DAB1: variants seen among roughly 807,000 people sequenced by gnomAD.
The protein encoded by DAB1 is DAB adaptor protein 1.
DAB1 carries 15 observed loss-of-function variants against 64.6 expected under a neutral mutation model. The observed-to-expected ratio is 0.23, with a 90% CI of 0.16 to 0.36. DAB1 has a LOEUF of 0.36. DAB1 is among the 10% of genes least tolerant of loss of function. The pLI is 1.00. For missense variants in DAB1, 596 were observed against 706.7 expected (o/e 0.84, Z 1.78); for synonymous variants, 235 against 251.9 (o/e 0.93, Z 0.64).
chr1:58,081,264 T>C (rs1649977237), intron 5 of DAB1, among the ~76,000 whole-genome samples: 1 of 152,252 alleles, frequency 6.6e-6, no homozygotes, highest in Admixed American at 6.5e-5. Context: ...ATAATGCCCA[T>C]GTCAGTCAAG....
chr1:58,212,784 C>T (rs564622062), intron 4 of DAB1, among the ~76,000 whole-genome samples: 1 of 152,262 alleles, frequency 6.6e-6, no homozygotes, highest in Non-Finnish European at 1.5e-5. Flanking sequence ...AACCAGGGTA[C>T]ATTTTATTGG....
At chr1:57,282,917 C>T (rs1672027726) in intron 2 of DAB1, among the ~76,000 whole-genome samples, 1 of 152,190 alleles carries the variant, frequency 6.6e-6, no homozygotes, top group South Asian at 2.1e-4. Context: ...AGTTTCTATG[C>T]TCCCATCTCC....
At chr1:58,208,359 A>G (rs1304028248) in intron 4 of DAB1, among the ~76,000 whole-genome samples, 1 of 152,128 alleles carries the variant, frequency 6.6e-6, no homozygotes, top group African/African-American at 2.4e-5. Flanking sequence ...CAAGTTCTTT[A>G]GCGGAGATTT....
intron 5 of DAB1, among the ~76,000 whole-genome samples, chr1:58,081,215 C>T (rs1252884612): frequency 6.6e-6 from 1 of 152,200 alleles, no homozygotes; most frequent in Non-Finnish European, 1.5e-5. Context: ...GTTCATTTTA[C>T]TTTACTGAGC....
At chr1:58,073,484 C>G (rs1352723781) in intron 5 of DAB1, among the ~76,000 whole-genome samples, 1 of 152,110 alleles carries the variant, frequency 6.6e-6, no homozygotes, top group African/African-American at 2.4e-5. Context: ...TCCCCAGGGC[C>G]CCTACAGTAG....
chr1:57,196,071 G>A lies in DAB1; in HGVS notation c.68-50642C>T, dbSNP rs199780993. Among the ~76,000 whole-genome samples the A allele has an allele frequency of 3.9e-5, 6 of 152,260 alleles. No homozygotes were observed. The East Asian group carries it at 1.2e-3, about 29-fold the overall frequency. On this transcript the variant is annotated intron_variant, in intron 2 of 14. Transcript: ENST00000371236. The stretch of plus-strand genomic sequence containing the variant: ...GGAGGAAGGGGTGGGAGAGTGGGAT[G>A]AAGAAGGGCCAAGGAATGTTTTGGA...
At chr1:58,101,319 A>G (rs1384816129) in intron 5 of DAB1, among the ~76,000 whole-genome samples, 2 of 150,686 alleles carry the variant, frequency 1.3e-5, no homozygotes, top group African/African-American at 2.5e-5. Flanking sequence ...TCCGTCTCAA[A>G]AAATAAAATA....
chr1:57,924,629 T>A (rs1372846725), intron 5 of DAB1, among the ~76,000 whole-genome samples: 1 of 143,928 alleles, frequency 6.9e-6, no homozygotes. Context: ...TTGGCTAATT[T>A]TTTTTTTTTT....
chr1:57,601,592 C>A (rs551302013), intron 7 of DAB1, among the ~76,000 whole-genome samples: 1 of 151,954 alleles, frequency 6.6e-6, no homozygotes, highest in South Asian at 2.1e-4. Context: ...GACTCCTTTT[C>A]AAAATAATTA....
At chr1:57,074,278 T>A (rs966008176) in intron 4 of DAB1, among the ~76,000 whole-genome samples, 1 of 152,186 alleles carries the variant, frequency 6.6e-6, no homozygotes, top group African/African-American at 2.4e-5. Flanking sequence ...AATAGGAAAA[T>A]GGATGATTAC....
intron 2 of DAB1, among the ~76,000 whole-genome samples, chr1:57,242,851 A>G (rs1668591940): frequency 6.6e-6 from 1 of 152,210 alleles, no homozygotes; most frequent in South Asian, 2.1e-4. Context: ...ATTTAAAGAG[A>G]ACTGTTTGTA....
chr1:57,109,623 G>A (rs1029325040), intron 4 of DAB1, among the ~76,000 whole-genome samples: 1 of 152,162 alleles, frequency 6.6e-6, no homozygotes, highest in African/African-American at 2.4e-5. Flanking sequence ...GTTTGTAAAT[G>A]CTAGCTAATA....
rs932980958 is a variant in DAB1 at position 58,540,113 on chromosome 1, A to G, written n.32+6590T>C. ...GTATACTGCCTATCCCCTCCCCACCATTCAAAGTGGAAAACCTTATCATTC... is the reference window on the plus strand; with the variant it reads ...GTATACTGCCTATCCCCTCCCCACCGTTCAAAGTGGAAAACCTTATCATTC... On this transcript the variant is annotated intron_variant and non_coding_transcript_variant, in intron 1 of 20. Transcript: ENST00000485760. Among the ~76,000 whole-genome samples, 4 of 152,230 alleles carry G rather than the reference A, an allele frequency of 2.6e-5. No individual in the cohort carries two copies. In the East Asian group the frequency reaches 7.7e-4, roughly 29 times the overall value.
intron 4 of DAB1, among the ~76,000 whole-genome samples, chr1:58,305,749 T>C (rs1482046437): frequency 1.3e-5 from 2 of 152,154 alleles, no homozygotes; most frequent in African/African-American, 2.4e-5. Flanking sequence ...TTCCGGAATA[T>C]GTAATTCTAG....
chr1:57,460,588 C>T (rs1011212525), intron 7 of DAB1, among the ~76,000 whole-genome samples: 3 of 152,146 alleles, frequency 2.0e-5, no homozygotes, highest in Non-Finnish European at 4.4e-5. Context: ...AACAAAGCTC[C>T]GAGTGATCAT....
chr1:57,062,969 G>T, intron 8 of DAB1, 26 bp from the exon 9 acceptor site: 1 of 1,602,024 alleles, frequency 6.2e-7, no homozygotes, highest in Non-Finnish European at 8.6e-7. Context: ...ATTCAGCACA[G>T]TCAAAACACT....
chr1:57,111,221 C>G (rs1489195954), intron 4 of DAB1, among the ~76,000 whole-genome samples: 1 of 152,100 alleles, frequency 6.6e-6, no homozygotes, highest in Non-Finnish European at 1.5e-5. Flanking sequence ...CTGAGCCCCT[C>G]TCCAGCCCTC....
At position 57,040,456 on chromosome 1, in the gene DAB1, G is replaced by A. The variant is rs376098815; in HGVS notation, c.724-14413C>T. Among the ~76,000 whole-genome samples, 186 of 152,282 alleles carry A rather than the reference G, an allele frequency of 1.2e-3. 2 individuals are homozygous for A. The South Asian group carries it at 0.035, about 29-fold the overall frequency. ...GAAAGAATATATAATTTACACACTCGTAGAAGCTTCCTGATTCTAATCCAT... is the reference window on the plus strand; with the variant it reads ...GAAAGAATATATAATTTACACACTCATAGAAGCTTCCTGATTCTAATCCAT... On this transcript the variant is annotated intron_variant, in intron 9 of 14. Transcript: ENST00000371236.
At chr1:57,101,242 G>A (rs1654661864) in intron 4 of DAB1, among the ~76,000 whole-genome samples, 2 of 152,154 alleles carry the variant, frequency 1.3e-5, no homozygotes, top group South Asian at 4.1e-4. Context: ...AATCCTTTTT[G>A]AATCTCTTCT....
Sources: allele counts gnomAD v4.1 joint callset (sites outside exome capture counted in the v4.1 genomes callset), GRCh38; gene constraint gnomAD v4.1.1; transcripts MANE v1.5; gene names NCBI Gene and HGNC (gene_info 2026-07-23, HGNC 2026-07-21).